The following RIC3 variants were observed in gnomAD, a reference collection of about 807,000 sequenced individuals.
RIC3 encodes the protein RIC3 acetylcholine receptor chaperone, also known as protein RIC-3.
Under a neutral mutation model 27.3 loss-of-function variants are expected in RIC3, and 28 were observed. That is an observed-to-expected ratio of 1.02 (90% CI 0.76 to 1.41). RIC3 has a LOEUF of 1.41. RIC3 is among the 40% of genes most tolerant of loss of function. The pLI, the probability that RIC3 is intolerant of heterozygous loss-of-function variation, is 0.00. For synonymous variants in RIC3, 184 were observed against 160.4 expected (o/e 1.15, Z -1.11); for missense variants, 501 against 444.7 (o/e 1.13, Z -1.14).
the RIC3 span, among the ~76,000 whole-genome samples, chr11:8,096,192 C>G: frequency 2.0e-5 from 3 of 152,174 alleles, no homozygotes; most frequent in Admixed American, 1.3e-4. Context: ...GATAGAAGCT[C>G]AGGGCAAAGA....
intron 4 of RIC3, among the ~76,000 whole-genome samples, chr11:8,137,159 G>C (rs1399757085): frequency 2.0e-5 from 3 of 152,086 alleles, no homozygotes; most frequent in African/African-American, 7.2e-5. Flanking sequence ...CGAGTAGCTG[G>C]GATTGCAGGT....
chr11:8,101,620 A>C (rs755350530), downstream of RIC3: 3 of 1,614,168 alleles, frequency 1.9e-6, no homozygotes, highest in Admixed American at 5.0e-5. Context: ...GTGCGAGTAG[A>C]GGCCTCTTCG....
At chr11:8,157,404 A>C (rs1309183021) in intron 1 of RIC3, among the ~76,000 whole-genome samples, 1 of 152,214 alleles carries the variant, frequency 6.6e-6, no homozygotes, top group Non-Finnish European at 1.5e-5. Context: ...CCTCCAGATC[A>C]CCTAACACAA....
the RIC3 span, chr11:8,096,679 GC>G: frequency 3.2e-6 from 5 of 1,578,134 alleles, no homozygotes; most frequent in African/African-American, 5.4e-5. Flanking sequence ...TCTCTCCTTG[GC>G]CCAGGCATCT....
At chr11:8,134,299 T>A (rs1403787672) in intron 4 of RIC3, among the ~76,000 whole-genome samples, 2 of 152,174 alleles carry the variant, frequency 1.3e-5, no homozygotes, top group African/African-American at 4.8e-5. Context: ...TCCAGTTTCA[T>A]CCATGTCCCT....
chr11:8,108,700 C>G lies in RIC3; in HGVS notation c.*1998G>C, dbSNP rs556910691. Reference sequence around the variant, plus strand: ...CTTACAGGGTCATAGTTCATTTTATCTGTCAGGCTCTCTCTCGTCACACTG... The same window carrying G: ...CTTACAGGGTCATAGTTCATTTTATGTGTCAGGCTCTCTCTCGTCACACTG... On this transcript the variant is annotated 3_prime_UTR_variant, in exon 6 of 6. Transcript: ENST00000309737. 10 of 152,322 alleles carry G rather than the reference C, an allele frequency of 6.6e-5. No homozygotes were observed. The highest frequency in any genetic ancestry group is 2.2e-4 in the African/African-American group (9 of 41,572). 9.4% of individuals were successfully genotyped at this position (152,322 alleles called of 1,614,324 possible).
intron 1 of RIC3, among the ~76,000 whole-genome samples, chr11:8,157,551 C>T (rs934008219): frequency 5.9e-5 from 9 of 152,122 alleles, no homozygotes; most frequent in African/African-American, 2.2e-4. Flanking sequence ...TAGTGGTCTC[C>T]GGCTGGAAGA....
At chr11:8,095,209 A>T in the RIC3 span, among the ~76,000 whole-genome samples, 1 of 152,074 alleles carries the variant, frequency 6.6e-6, no homozygotes, top group Non-Finnish European at 1.5e-5. Context: ...TCCACTGTGC[A>T]GTTGGTTTTG....
intron 1 of RIC3, among the ~76,000 whole-genome samples, chr11:8,151,402 A>G (rs903688655): frequency 3.3e-5 from 5 of 151,238 alleles, no homozygotes; most frequent in Admixed American, 1.3e-4. Context: ...CCTGGCTAAC[A>G]CGGTGAAACC....
chr11:8,155,076 C>T (rs1294717027), intron 1 of RIC3, among the ~76,000 whole-genome samples: 6 of 151,950 alleles, frequency 3.9e-5, no homozygotes, highest in Non-Finnish European at 8.8e-5. Flanking sequence ...TATAAATCAG[C>T]CGGGTGTGGT....
intron 5 of RIC3, among the ~76,000 whole-genome samples, chr11:8,124,608 A>G (rs1946807974): frequency 6.6e-6 from 1 of 152,212 alleles, no homozygotes; most frequent in Non-Finnish European, 1.5e-5. Flanking sequence ...AACAACTTGA[A>G]CTACCCAAAA....
chr11:8,095,595 A>G, the RIC3 span: 1 of 1,612,886 alleles, frequency 6.2e-7, no homozygotes, highest in Admixed American at 1.7e-5. Context: ...CCCAGGACGC[A>G]GGGGAGACGG....
chr11:8,097,435 G>C, the RIC3 span: 1 of 1,614,208 alleles, frequency 6.2e-7, no homozygotes, highest in African/African-American at 1.3e-5. Context: ...GGTAAGGTTG[G>C]TCTGGGCATG....
chr11:8,159,955 C>G (rs1248645252), intron 1 of RIC3, among the ~76,000 whole-genome samples: 2 of 151,944 alleles, frequency 1.3e-5, no homozygotes, highest in Non-Finnish European at 2.9e-5. Context: ...GATCCTGCCA[C>G]TACACTCCAG....
chr11:8,125,715 G>A (rs1467503160), intron 5 of RIC3, among the ~76,000 whole-genome samples: 1 of 152,196 alleles, frequency 6.6e-6, no homozygotes, highest in Non-Finnish European at 1.5e-5. Context: ...ACTTAGGAAA[G>A]CAGGTTGACA....
chr11:8,161,420 T>G (rs1480550441), intron 1 of RIC3, among the ~76,000 whole-genome samples: 13 of 152,244 alleles, frequency 8.5e-5, no homozygotes, highest in Non-Finnish European at 1.6e-4. Flanking sequence ...AACCTGAGAA[T>G]AATCCAGATG....
chr11:8,132,921 A>C (rs1947905878), intron 4 of RIC3, among the ~76,000 whole-genome samples: 1 of 152,252 alleles, frequency 6.6e-6, no homozygotes, highest in African/African-American at 2.4e-5. Context: ...TAAAGGACAC[A>C]AACTGTAAGT....
chr11:8,096,575 G>T, the RIC3 span: 9 of 756,162 alleles, frequency 1.2e-5, no homozygotes, highest in South Asian at 3.0e-5. Context: ...GCATAAGTTT[G>T]TGGGGGTACA....
At chr11:8,122,900 C>T (rs986783523) in intron 5 of RIC3, among the ~76,000 whole-genome samples, 3 of 145,812 alleles carry the variant, frequency 2.1e-5, no homozygotes, top group Non-Finnish European at 4.5e-5. Context: ...AAATTAGGAC[C>T]CATTACCAGG....
Sources: allele counts gnomAD v4.1 joint callset (sites outside exome capture counted in the v4.1 genomes callset), GRCh38; gene constraint gnomAD v4.1.1; transcripts MANE v1.5; gene names NCBI Gene and HGNC (gene_info 2026-07-23, HGNC 2026-07-21).